The following TMEM132C variants were observed in gnomAD, a reference collection of about 807,000 sequenced individuals.
TMEM132C encodes transmembrane protein 132C.
A neutral mutation model predicts 61.4 loss-of-function variants in TMEM132C; 29 were observed. That is an observed-to-expected ratio of 0.47 (90% CI 0.35 to 0.64). TMEM132C has a LOEUF of 0.64. Among genes scored for constraint, TMEM132C ranks in the 30% least tolerant of loss-of-function variants. TMEM132C has a pLI of 0.00. For synonymous variants in TMEM132C, 656 were observed against 633.1 expected (o/e 1.04, Z -0.54); for missense variants, 1,408 against 1,476.9 (o/e 0.95, Z 0.76).
intron 3 of TMEM132C, among the ~76,000 whole-genome samples, chr12:128,572,497 C>T (rs1352235509): frequency 6.6e-6 from 1 of 151,928 alleles, no homozygotes; most frequent in Admixed American, 6.6e-5. Context: ...GCCTGCGTCA[C>T]ATGGCCACTG....
At chr12:128,418,136 G>A (rs1031870048) in intron 2 of TMEM132C, among the ~76,000 whole-genome samples, 6 of 152,048 alleles carry the variant, frequency 3.9e-5, no homozygotes, top group Admixed American at 6.6e-5. Context: ...TTTTAAATTC[G>A]AAGCAAATTT....
intron 1 of TMEM132C, among the ~76,000 whole-genome samples, chr12:128,357,322 G>A (rs574020278): frequency 2.0e-5 from 3 of 152,018 alleles, no homozygotes; most frequent in Admixed American, 6.5e-5. Flanking sequence ...CATGGAGGGC[G>A]CCCCAGGAGA....
chr12:128,287,677 T>G (rs1871117543), intron 1 of TMEM132C, among the ~76,000 whole-genome samples: 2 of 152,240 alleles, frequency 1.3e-5, no homozygotes, highest in Non-Finnish European at 2.9e-5. Flanking sequence ...TATGGTACTA[T>G]TATGTATCTG....
At chr12:128,495,660 C>T (rs1049836853) in intron 2 of TMEM132C, among the ~76,000 whole-genome samples, 5 of 152,106 alleles carry the variant, frequency 3.3e-5, no homozygotes, top group African/African-American at 1.2e-4. Context: ...GCAACCCCTG[C>T]CTTTTTTTGT....
intron 8 of TMEM132C, among the ~76,000 whole-genome samples, chr12:128,702,577 A>G (rs777873820): frequency 1.2e-4 from 18 of 152,054 alleles, no homozygotes; most frequent in Non-Finnish European, 2.5e-4. Flanking sequence ...CTTTCTTTGT[A>G]TCATGAGCAC....
At chr12:128,300,765 C>T (rs575049307) in intron 1 of TMEM132C, among the ~76,000 whole-genome samples, 1 of 152,250 alleles carries the variant, frequency 6.6e-6, no homozygotes, top group East Asian at 1.9e-4. Flanking sequence ...AGCTGTGCAT[C>T]GTGGCTCAAT....
chr12:128,605,772 G>A (rs1876401069), intron 3 of TMEM132C, among the ~76,000 whole-genome samples: 1 of 152,132 alleles, frequency 6.6e-6, no homozygotes, highest in Non-Finnish European at 1.5e-5. Flanking sequence ...TAAGGTCCTG[G>A]GCAGCAAGGT....
chr12:128,377,286 C>T (rs2135987297), intron 1 of TMEM132C, among the ~76,000 whole-genome samples: 1 of 152,288 alleles, frequency 6.6e-6, no homozygotes, highest in Admixed American at 6.5e-5. Context: ...AACTCCTGAC[C>T]TCGTGATCTG....
At chr12:128,379,345 A>G (rs1874328096) in intron 1 of TMEM132C, among the ~76,000 whole-genome samples, 1 of 152,252 alleles carries the variant, frequency 6.6e-6, no homozygotes, top group African/African-American at 2.4e-5. Flanking sequence ...TTGGTCAATC[A>G]GCCCACACAG....
chr12:128,460,464 C>T (rs2136068205), intron 2 of TMEM132C, among the ~76,000 whole-genome samples: 1 of 152,270 alleles, frequency 6.6e-6, no homozygotes, highest in East Asian at 1.9e-4. Context: ...TCTATTAGTC[C>T]ATGCAGCTAT....
chr12:128,271,865 T>C (rs1448309719), intron 1 of TMEM132C, among the ~76,000 whole-genome samples: 1 of 152,230 alleles, frequency 6.6e-6, no homozygotes, highest in Non-Finnish European at 1.5e-5. Flanking sequence ...AGCCTTTGGA[T>C]GTATTAGATA....
chr12:128,292,930 C>T lies in TMEM132C; in HGVS notation c.85+25443C>T, dbSNP rs543181017. Among the ~76,000 whole-genome samples, 21 of 125,014 alleles carry T rather than the reference C, an allele frequency of 1.7e-4. 1 individual carries two copies. The East Asian group carries it at 5.8e-3, about 34-fold the overall frequency. The allele number at this position is 125,014 out of a possible 152,430, so 82.0% of individuals were successfully genotyped here. A position where few individuals can be genotyped will look rare whatever the true frequency, so the allele number is the denominator to read the frequency against. ...ATTTCACATGGTAGGTCTGTGTTTTCTGTGTGTTGGTGTAGGTATGTGTAT... is the reference window on the plus strand; with the variant it reads ...ATTTCACATGGTAGGTCTGTGTTTTTTGTGTGTTGGTGTAGGTATGTGTAT... On this transcript the variant is annotated intron_variant, in intron 1 of 8. Transcript: ENST00000435159.
chr12:128,645,965 G>A (rs1229655455), intron 4 of TMEM132C, among the ~76,000 whole-genome samples: 3 of 142,648 alleles, frequency 2.1e-5, no homozygotes, highest in Admixed American at 7.0e-5. Context: ...GGAGTCCATC[G>A]GCTTTGGATG....
intron 1 of TMEM132C, chr12:128,288,733 T>C (rs139901196): frequency 3.9e-4 from 59 of 152,270 alleles, no homozygotes; most frequent in African/African-American, 1.4e-3. Flanking sequence ...CCCACTGTAG[T>C]CTCTGAAGTC....
At position 128,369,369 on chromosome 12, in the gene TMEM132C, C is replaced by T. The variant is rs4609666; in HGVS notation, c.86-45363C>T. Among the ~76,000 whole-genome samples the T allele has an allele frequency of 7.1e-3, 1,076 of 152,210 alleles. 4 individuals are homozygous for T. The highest frequency in any genetic ancestry group is 0.01 in the Non-Finnish European group (690 of 68,012). ...TATTAGTAAACATTAATACAATGTT[C>T]ACTATGAAAACATCGATACAATGTT... On this transcript the variant is annotated intron_variant, in intron 1 of 8. Transcript: ENST00000435159.
Position 128,588,262 on chromosome 12 carries a change from C to A in TMEM132C, c.1122-27890C>A, listed in dbSNP as rs557517929. 2.6e-4 allele frequency among the ~76,000 whole-genome samples: 39 copies of A among 152,100 alleles called. No homozygotes were observed. In the East Asian group the frequency reaches 5.0e-3, roughly 20 times the overall value. The stretch of plus-strand genomic sequence containing the variant: ...AAGCCTGGGCAATATGGTGAAACCC[C>A]ATCTCTACAAAAAATTTTTAAAAGT... On this transcript the variant is annotated intron_variant, in intron 3 of 8. Transcript: ENST00000435159.
intron 1 of TMEM132C, among the ~76,000 whole-genome samples, chr12:128,302,152 A>G (rs1871619846): frequency 6.6e-6 from 1 of 152,210 alleles, no homozygotes; most frequent in Non-Finnish European, 1.5e-5. Flanking sequence ...AGTGTGTCAG[A>G]TGGTCACTCA....
chr12:128,542,661 A>C (rs1294598270), intron 2 of TMEM132C, among the ~76,000 whole-genome samples: 4 of 151,796 alleles, frequency 2.6e-5, no homozygotes, highest in African/African-American at 7.3e-5. Context: ...GGATATTGAG[A>C]CCATCCTGGC....
chr12:128,408,711 C>T (rs2136016201), intron 1 of TMEM132C, among the ~76,000 whole-genome samples: 1 of 152,296 alleles, frequency 6.6e-6, no homozygotes, highest in South Asian at 2.1e-4. Flanking sequence ...AGCGCCGAGC[C>T]ATCCCTAAAG....
Sources: gnomAD v4.1 joint callset for allele counts (sites outside exome capture counted in the v4.1 genomes callset) on GRCh38, gnomAD v4.1.1 for gene constraint, MANE v1.5 for transcripts, NCBI Gene and HGNC (gene_info 2026-07-23, HGNC 2026-07-21) for gene names.